The following RASGRP3 variants were observed in gnomAD, a reference collection of about 807,000 sequenced individuals.
RASGRP3 encodes ras guanyl-releasing protein 3.
In RASGRP3, 54 loss-of-function variants were observed where a neutral mutation model predicts 82.7. The ratio of observed to expected loss-of-function variants is 0.65; its 90% CI spans 0.52 to 0.82. The LOEUF (loss-of-function observed/expected upper bound fraction) is 0.82, where lower values mean the gene tolerates loss of function less well. RASGRP3 is among the 40% of genes least tolerant of loss of function. The pLI, the probability that RASGRP3 is intolerant of heterozygous loss-of-function variation, is 0.00. For synonymous variants in RASGRP3, 309 were observed against 300.5 expected, an observed-to-expected ratio of 1.03 and a Z score of -0.29; for missense variants, 861 against 828.9, an observed-to-expected ratio of 1.04 and a Z score of -0.48.
chr2:33,539,327 G>C (rs1319865353), intron 12 of RASGRP3, 117 bp downstream of exon 12: 9 of 819,100 alleles, frequency 1.1e-5, no homozygotes, highest in Non-Finnish European at 1.6e-5. Context: ...CTGGCAGGTA[G>C]GAACAATTTA....
chr2:33,564,025 C>A lies in RASGRP3; in HGVS notation c.*1288C>A, dbSNP rs1676981810. The A allele has an allele frequency of 6.6e-6, 1 of 152,130 alleles. No homozygotes were observed. Among genetic ancestry groups the A allele is most frequent in the South Asian group, 2.1e-4 (1 of 4,836 alleles). 9.4% of individuals were successfully genotyped at this position (152,130 alleles called of 1,614,324 possible). ...ACGTGCACTGGTCTGCATTTGGGGG[C>A]TAAAGTGTATATATTCCATTTAAAA... On this transcript the variant is annotated 3_prime_UTR_variant, in exon 18 of 18. Coordinates refer to ENST00000403687, the MANE Select transcript of RASGRP3 (RefSeq NM_001139488.2).
intron 1 of RASGRP3, among the ~76,000 whole-genome samples, chr2:33,508,512 C>T (rs181500968): frequency 2.0e-5 from 3 of 151,962 alleles, no homozygotes; most frequent in African/African-American, 7.3e-5. Flanking sequence ...GCAGGAGAGA[C>T]CCCCCAAAAA....
At chr2:33,507,205 G>A (rs1166694880) in intron 1 of RASGRP3, among the ~76,000 whole-genome samples, 1 of 152,162 alleles carries the variant, frequency 6.6e-6, no homozygotes, top group African/African-American at 2.4e-5. Flanking sequence ...GACCATCCTG[G>A]CCAACATGGT....
At chr2:33,547,047 C>T (rs1360623702) in intron 13 of RASGRP3, among the ~76,000 whole-genome samples, 37 of 105,374 alleles carry the variant, frequency 3.5e-4, no homozygotes, top group Non-Finnish European at 6.5e-4. Context: ...GAATCTCTGT[C>T]TCAGGGAAAA....
At chr2:33,485,094 AG>A (rs1668258865) in intron 1 of RASGRP3, among the ~76,000 whole-genome samples, 1 of 152,186 alleles carries the variant, frequency 6.6e-6, no homozygotes, top group African/African-American at 2.4e-5. Context: ...ACTACTTGGA[AG>A]GCTGAGGCAG....
intron 10 of RASGRP3, 169 bp from the exon 11 acceptor site, chr2:33,534,154 C>G: frequency 1.7e-6 from 1 of 598,572 alleles, no homozygotes; most frequent in Non-Finnish European, 3.0e-6. Flanking sequence ...TTAACGTTTT[C>G]TCTTTTAAAT....
At position 33,527,254 on chromosome 2, in the gene RASGRP3, T is replaced by C. The variant is rs1158116824; in HGVS notation, c.925T>C (p.Leu309=). The C allele has an allele frequency of 8.7e-6, 14 of 1,614,016 alleles. No individual in the cohort carries two copies. The highest frequency in any genetic ancestry group is 1.1e-5 in the Non-Finnish European group (13 of 1,179,878). ...IPILGVHLKD[L]IAVHVIFPDW... ...CATCCTTGGAGTACACTTGAAAGAC[T>C]TGATAGCTGTCCATGTCATTTTCCC... The change falls in exon 10 of 18, where the codon TTG becomes CTG. Residue 309 remains leucine (L), a synonymous_variant. Coordinates refer to ENST00000403687, the MANE Select transcript of RASGRP3 (RefSeq NM_001139488.2).
At chr2:33,512,677 C>T (rs1287320106) in intron 2 of RASGRP3, among the ~76,000 whole-genome samples, 1 of 152,226 alleles carries the variant, frequency 6.6e-6, no homozygotes, top group East Asian at 1.9e-4. Context: ...TACACACTCA[C>T]ATAAATATAC....
chr2:33,519,812 G>A (rs1447852309), intron 4 of RASGRP3, 140 bp from the exon 5 acceptor site: 1 of 593,804 alleles, frequency 1.7e-6, no homozygotes, highest in South Asian at 2.2e-5. Context: ...AGTCATCAGA[G>A]GCCACTTCTC....
chr2:33,459,784 G>A (rs1324731318), intron 2 of RASGRP3, among the ~76,000 whole-genome samples: 1 of 152,202 alleles, frequency 6.6e-6, no homozygotes, highest in Non-Finnish European at 1.5e-5. Context: ...TTAGGATTCT[G>A]TCTTTCCAGA....
chr2:33,520,342 C>G, intron 5 of RASGRP3, among the ~76,000 whole-genome samples: 1 of 152,300 alleles, frequency 6.6e-6, no homozygotes, highest in East Asian at 1.9e-4. Flanking sequence ...GAAAGAGAGG[C>G]TATGAGTGGG....
At chr2:33,527,479 G>T in intron 10 of RASGRP3, 67 bp downstream of exon 10, 1 of 1,458,922 alleles carries the variant, frequency 6.9e-7, no homozygotes. Flanking sequence ...GGAGACACAG[G>T]AAGATGTGTG....
chr2:33,538,525 A>C (rs541067504), intron 11 of RASGRP3, among the ~76,000 whole-genome samples: 11 of 151,870 alleles, frequency 7.2e-5, no homozygotes, highest in African/African-American at 2.7e-4. Context: ...TAAATAAATA[A>C]ATAATAAAAA....
chr2:33,487,961 C>T (rs527286809), intron 1 of RASGRP3, among the ~76,000 whole-genome samples: 24 of 152,228 alleles, frequency 1.6e-4, no homozygotes, highest in African/African-American at 4.1e-4. Flanking sequence ...CATTTCATCA[C>T]GTATATATGT....
At chr2:33,485,397 C>G (rs1185295926) in intron 1 of RASGRP3, among the ~76,000 whole-genome samples, 1 of 152,178 alleles carries the variant, frequency 6.6e-6, no homozygotes, top group African/African-American at 2.4e-5. Flanking sequence ...TAGCTTCTAC[C>G]CAGAACACAC....
intron 1 of RASGRP3, among the ~76,000 whole-genome samples, chr2:33,497,072 T>A (rs1324567781): frequency 1.2e-4 from 19 of 152,188 alleles, no homozygotes; most frequent in Admixed American, 1.2e-3. Flanking sequence ...AATAAGTTAA[T>A]GTGAGATTTG....
intron 9 of RASGRP3, 58 bp from the exon 10 acceptor site, chr2:33,527,079 C>G: frequency 6.3e-7 from 1 of 1,575,166 alleles, no homozygotes; most frequent in Non-Finnish European, 8.6e-7. Context: ...ATTGCAGGGC[C>G]CGGGGGTGTG....
At chr2:33,520,355 C>A (rs1315284275) in intron 5 of RASGRP3, among the ~76,000 whole-genome samples, 198 bp from the exon 6 acceptor site, 1 of 152,090 alleles carries the variant, frequency 6.6e-6, no homozygotes, top group Non-Finnish European at 1.5e-5. Context: ...TGAGTGGGAG[C>A]GGTTTTAGAT....
intron 2 of RASGRP3, among the ~76,000 whole-genome samples, chr2:33,512,164 A>G (rs1670985223): frequency 6.6e-6 from 1 of 152,216 alleles, no homozygotes; most frequent in South Asian, 2.1e-4. Context: ...AACAGATTGT[A>G]ACCTGATAGC....
Sources: gnomAD v4.1 joint callset for allele counts (sites outside exome capture counted in the v4.1 genomes callset) on GRCh38, gnomAD v4.1.1 for gene constraint, MANE v1.5 for transcripts, NCBI Gene and HGNC (gene_info 2026-07-23, HGNC 2026-07-21) for gene names.